ACOT12: variants seen among roughly 807,000 people sequenced by gnomAD.
The protein encoded by ACOT12 is acetyl-coenzyme A thioesterase.
ACOT12 carries 51 observed loss-of-function variants against 67.7 expected under a neutral mutation model. The ratio of observed to expected loss-of-function variants is 0.75; its 90% CI spans 0.60 to 0.95. The LOEUF (loss-of-function observed/expected upper bound fraction) is 0.95, where lower values mean the gene tolerates loss of function less well. Ranked by LOEUF, ACOT12 falls within the 40% of genes least tolerant of loss-of-function variation. ACOT12 has a pLI of 0.00. For missense variants in ACOT12, 734 were observed against 708.1 expected, an observed-to-expected ratio of 1.04 and a Z score of -0.41; for synonymous variants, 251 against 244.6, an observed-to-expected ratio of 1.03 and a Z score of -0.24.
At chr5:81,354,636 T>A (rs955070842) in intron 5 of ACOT12, among the ~76,000 whole-genome samples, 1 of 152,192 alleles carries the variant, frequency 6.6e-6, no homozygotes, top group African/African-American at 2.4e-5. Context: ...AAAGTACAGA[T>A]TTGACACGAA....
chr5:81,320,472 G>T, the ACOT12 span, among the ~76,000 whole-genome samples: 1 of 152,290 alleles, frequency 6.6e-6, no homozygotes, highest in East Asian at 1.9e-4. Context: ...GAGAAAAATT[G>T]TCCACTATCA....
intron 2 of ACOT12, among the ~76,000 whole-genome samples, chr5:81,384,387 C>G (rs1188205221): frequency 1.3e-5 from 2 of 151,996 alleles, no homozygotes; most frequent in African/African-American, 4.8e-5. Flanking sequence ...ATCCACCCCC[C>G]TAGGCCTCCC....
At chr5:81,324,004 C>T in the ACOT12 span, among the ~76,000 whole-genome samples, 49 of 151,408 alleles carry the variant, frequency 3.2e-4, no homozygotes, top group African/African-American at 1.0e-3. Flanking sequence ...TGCAGTGGTG[C>T]GATCTTGGCT....
At chr5:81,358,502 A>G (rs1759795092) in intron 5 of ACOT12, among the ~76,000 whole-genome samples, 1 of 152,142 alleles carries the variant, frequency 6.6e-6, no homozygotes, top group Non-Finnish European at 1.5e-5. Context: ...ATAAACGGAG[A>G]CTTGCTCTTC....
chr5:81,334,916 G>A (rs1428801120), intron 12 of ACOT12, among the ~76,000 whole-genome samples: 1 of 152,158 alleles, frequency 6.6e-6, no homozygotes, highest in African/African-American at 2.4e-5. Flanking sequence ...GGGAGATGTA[G>A]GCTAATAGGA....
the ACOT12 span, among the ~76,000 whole-genome samples, chr5:81,313,673 T>G: frequency 2.0e-5 from 3 of 152,238 alleles, no homozygotes; most frequent in African/African-American, 7.2e-5. Context: ...TTTTACCTGA[T>G]TGAATCCATT....
intron 3 of ACOT12, among the ~76,000 whole-genome samples, chr5:81,365,079 G>C (rs1204879459): frequency 6.6e-6 from 1 of 152,166 alleles, no homozygotes; most frequent in East Asian, 1.9e-4. Context: ...GCTGAAGCTT[G>C]GTCCTCAGGA....
At chr5:81,375,098 C>T (rs1175423850) in intron 2 of ACOT12, among the ~76,000 whole-genome samples, 1 of 152,188 alleles carries the variant, frequency 6.6e-6, no homozygotes, top group Non-Finnish European at 1.5e-5. Flanking sequence ...AGAGAAAGGT[C>T]AGGTTACCCA....
At chr5:81,382,765 G>A (rs1760620971) in intron 2 of ACOT12, among the ~76,000 whole-genome samples, 1 of 151,308 alleles carries the variant, frequency 6.6e-6, no homozygotes, top group South Asian at 2.1e-4. Context: ...TTGCGCCATC[G>A]CACTCCAGCC....
At chr5:81,331,633 C>T (rs756202421) in intron 13 of ACOT12, among the ~76,000 whole-genome samples, 7 of 152,172 alleles carry the variant, frequency 4.6e-5, no homozygotes, top group Admixed American at 6.6e-5. Flanking sequence ...AGTCCAATTG[C>T]GCTCCCATGC....
rs73126079 is a variant in ACOT12 at position 81,369,552 on chromosome 5, C to A, written c.258+2198G>T. On this transcript the variant is annotated intron_variant, in intron 3 of 14. Transcript: ENST00000307624. ...AAAGTATGACAAAATTTAGAGGCTGCCTGGTCATGATTTGCAGAAGATGAA... is the reference window on the plus strand; with the variant it reads ...AAAGTATGACAAAATTTAGAGGCTGACTGGTCATGATTTGCAGAAGATGAA... Among the ~76,000 whole-genome samples, 455 of 152,126 alleles carry A rather than the reference C, an allele frequency of 3.0e-3. 1 individual carries two copies. The highest frequency in any genetic ancestry group is 0.011 in the African/African-American group (436 of 41,456).
In ACOT12 at chr5:81,359,908, A is replaced by G. The variant is rs754563959; in HGVS notation, c.491T>C (p.Phe164Ser). Residue 164 changes from phenylalanine (F) to serine (S), a missense_variant, in exon 5 of 15, where the codon TTT (phenylalanine) becomes TCT (serine). Transcript: ENST00000307624. ...FNNLMKESSK[F>S]DDLIFDEEEG... is the part of the protein sequence containing the mutation. ...TTATAAGTGGATTTACTGACCATCA[A>G]ATTTGCTACTTTCCTTCATTAAATT... The G allele has an allele frequency of 1.9e-6, 3 of 1,604,400 alleles. No individual in the cohort carries two copies. Among genetic ancestry groups the G allele is most frequent in the African/African-American group, 1.3e-5 (1 of 74,326 alleles).
At chr5:81,319,406 C>T in the ACOT12 span, among the ~76,000 whole-genome samples, 1 of 152,204 alleles carries the variant, frequency 6.6e-6, no homozygotes, top group Admixed American at 6.5e-5. Context: ...TTTAGAGCAT[C>T]TTCAACACTT....
Position 81,351,715 on chromosome 5 carries a change from C to T in ACOT12, c.497-3785G>A, listed in dbSNP as rs534836044. The stretch of plus-strand genomic sequence containing the variant: ...CTGGACAAAAATTTATTGAGCAGTA[C>T]CCCACAAGCACAGGTAACCAAAGCA... On this transcript the variant is annotated intron_variant, in intron 5 of 14. Transcript: ENST00000307624. Among the ~76,000 whole-genome samples, 78 of 152,224 alleles carry T rather than the reference C, an allele frequency of 5.1e-4. 1 individual carries two copies. The Middle Eastern group carries it at 0.014, about 27-fold the overall frequency.
At chr5:81,364,867 A>C (rs1307323430) in intron 3 of ACOT12, among the ~76,000 whole-genome samples, 1 of 151,800 alleles carries the variant, frequency 6.6e-6, no homozygotes, top group African/African-American at 2.4e-5. Flanking sequence ...TTTAGCCTTT[A>C]CTCTCAGAGT....
the ACOT12 span, among the ~76,000 whole-genome samples, chr5:81,321,569 C>T: frequency 6.6e-6 from 1 of 152,086 alleles, no homozygotes; most frequent in African/African-American, 2.4e-5. Context: ...AAACAAAAAA[C>T]TACCAGACTT....
chr5:81,340,490 T>C (rs1580536453), intron 11 of ACOT12, among the ~76,000 whole-genome samples: 1 of 152,036 alleles, frequency 6.6e-6, no homozygotes, highest in Non-Finnish European at 1.5e-5. Flanking sequence ...GCCTCCCAAA[T>C]AGCTGGGATT....
At chr5:81,385,650 GA>G in intron 2 of ACOT12, 106 bp downstream of exon 2, 3 of 1,013,400 alleles carry the variant, frequency 3.0e-6, no homozygotes, top group Non-Finnish European at 4.5e-6. Context: ...ATTTTATTAA[GA>G]AACAAGATCA....
chr5:81,330,477 A>ACCAG lies in ACOT12; in HGVS notation c.1581_1584dup (p.Ser529LeufsTer6). Reference sequence around the variant, plus strand: ...GCTGCTGTTTCTTCAATGGATTTTGACCAGCCACCAAGATTTCCAGCAAAG... The same window carrying ACCAG: ...GCTGCTGTTTCTTCAATGGATTTTGACCAGCCAGCCACCAAGATTTCCAGCAAAG... On this transcript the variant is annotated frameshift_variant, in exon 15 of 15. Transcript: ENST00000307624. LOFTEE classifies it high-confidence loss of function. 6.2e-7 allele frequency: 1 copy of ACCAG among 1,614,166 alleles called. No individual in the cohort carries two copies. Among genetic ancestry groups the ACCAG allele is most frequent in the African/African-American group, 1.3e-5 (1 of 75,062 alleles).
Sources: allele counts gnomAD v4.1 joint callset (sites outside exome capture counted in the v4.1 genomes callset), GRCh38; gene constraint gnomAD v4.1.1; transcripts MANE v1.5; gene names NCBI Gene and HGNC (gene_info 2026-07-23, HGNC 2026-07-21).